Variants in LRRIQ3 observed in about 807,000 individuals in gnomAD.
The protein encoded by LRRIQ3 is leucine-rich repeat and IQ domain-containing protein 3.
In LRRIQ3, 75 loss-of-function variants were observed where a neutral mutation model predicts 59.3. The observed-to-expected ratio is 1.26, with a 90% CI of 1.05 to 1.53. The LOEUF (loss-of-function observed/expected upper bound fraction) is 1.53, where lower values mean the gene tolerates loss of function less well. Among genes scored for constraint, LRRIQ3 ranks in the 40% most tolerant of loss-of-function variants. LRRIQ3 has a pLI of 0.00. For missense variants in LRRIQ3, 831 were observed against 710.0 expected (o/e 1.17, Z -1.94); for synonymous variants, 250 against 231.3 (o/e 1.08, Z -0.73).
chr1:74,178,247 C>A (rs1649764527), intron 3 of LRRIQ3, among the ~76,000 whole-genome samples: 1 of 151,888 alleles, frequency 6.6e-6, no homozygotes, highest in South Asian at 2.1e-4. Context: ...AATACACTTA[C>A]AATTTACTTA....
chr1:74,032,904 A>C (rs1449967051), intron 7 of LRRIQ3, among the ~76,000 whole-genome samples: 1 of 152,028 alleles, frequency 6.6e-6, no homozygotes, highest in East Asian at 1.9e-4. Flanking sequence ...ATGGAAACCT[A>C]ATCATGAGAC....
chr1:74,097,435 T>C (rs1417060261), intron 5 of LRRIQ3, among the ~76,000 whole-genome samples: 3 of 152,110 alleles, frequency 2.0e-5, no homozygotes, highest in Non-Finnish European at 2.9e-5. Context: ...CTCATTGGTG[T>C]ACCTAAAAGT....
chr1:74,175,148 C>T (rs1467251597), intron 3 of LRRIQ3, among the ~76,000 whole-genome samples: 1 of 152,178 alleles, frequency 6.6e-6, no homozygotes, highest in Non-Finnish European at 1.5e-5. Flanking sequence ...CGTCTACTGG[C>T]TCTGAAGTCA....
intron 7 of LRRIQ3, among the ~76,000 whole-genome samples, chr1:74,038,414 C>A (rs1180618119): frequency 6.6e-6 from 1 of 152,198 alleles, no homozygotes; most frequent in African/African-American, 2.4e-5. Context: ...GCAGCCCAGA[C>A]AAGTGGGTTT....
intron 4 of LRRIQ3, among the ~76,000 whole-genome samples, chr1:74,120,519 A>G (rs1423762820): frequency 6.6e-6 from 1 of 152,040 alleles, no homozygotes; most frequent in Non-Finnish European, 1.5e-5. Context: ...AAAAACATCA[A>G]TTTTTATATA....
intron 1 of LRRIQ3, among the ~76,000 whole-genome samples, chr1:74,197,089 T>C (rs1209123180): frequency 6.6e-6 from 1 of 152,222 alleles, no homozygotes; most frequent in Non-Finnish European, 1.5e-5. Flanking sequence ...ATACTGTTTT[T>C]TTAATTAATG....
chr1:74,130,316 T>G (rs992349711), intron 4 of LRRIQ3, among the ~76,000 whole-genome samples: 12 of 152,118 alleles, frequency 7.9e-5, no homozygotes, highest in Non-Finnish European at 1.0e-4. Context: ...TGGCTATGGC[T>G]GATCTCAATG....
At chr1:74,099,212 G>T (rs1435060807) in intron 5 of LRRIQ3, among the ~76,000 whole-genome samples, 1 of 152,100 alleles carries the variant, frequency 6.6e-6, no homozygotes, top group Non-Finnish European at 1.5e-5. Context: ...AATAAAAAAT[G>T]ATAAAGGGGA....
intron 6 of LRRIQ3, among the ~76,000 whole-genome samples, chr1:74,057,866 T>C (rs923155059): frequency 3.3e-5 from 5 of 151,800 alleles, no homozygotes; most frequent in Non-Finnish European, 7.4e-5. Flanking sequence ...GAACTCAAAC[T>C]CAATAGCTAA....
chr1:74,109,553 G>T lies in LRRIQ3; in HGVS notation c.708C>A (p.Ser236Arg). 6.4e-7 allele frequency: 1 copy of T among 1,551,246 alleles called. No individual in the cohort carries two copies. The highest frequency in any genetic ancestry group is 1.3e-5 in the South Asian group (1 of 78,814). Residue 236 changes from serine to arginine, a missense_variant and splice_region_variant, in exon 5 of 8, where the codon AGC becomes AGA. Transcript: ENST00000354431. ...GTTTTTTTTTGTGGAAAAACACAGG[G>T]CTGAATATAAGGGGAGGGGAAAACT... The part of the protein sequence containing the change: ...IRGFLVRKNL[S>R]PVFFHKKKQQ...
At chr1:74,062,384 T>C (rs375591936) in intron 6 of LRRIQ3, among the ~76,000 whole-genome samples, 1 of 152,240 alleles carries the variant, frequency 6.6e-6, no homozygotes, top group African/African-American at 2.4e-5. Context: ...GAATGGCTAT[T>C]ACTAAAAAGT....
chr1:74,128,551 T>C (rs918977142), intron 4 of LRRIQ3, among the ~76,000 whole-genome samples: 1 of 152,260 alleles, frequency 6.6e-6, no homozygotes, highest in Admixed American at 6.5e-5. Flanking sequence ...TTTTAAATCA[T>C]CTGTCTGAAA....
chr1:74,183,710 AT>A (rs768957741), intron 1 of LRRIQ3, 26 bp from the exon 2 acceptor site: 62 of 1,401,322 alleles, frequency 4.4e-5, no homozygotes, highest in Admixed American at 1.9e-4. Context: ...AAGTGCTTTG[AT>A]TTTTTTTTCC....
intron 6 of LRRIQ3, among the ~76,000 whole-genome samples, chr1:74,053,149 G>C (rs997530882): frequency 8.6e-5 from 9 of 104,870 alleles, no homozygotes; most frequent in Non-Finnish European, 1.3e-4. Flanking sequence ...TCAACAAACG[G>C]TAATGAAATA....
chr1:74,046,555 A>G (rs1178235780), intron 6 of LRRIQ3, among the ~76,000 whole-genome samples: 2 of 152,222 alleles, frequency 1.3e-5, no homozygotes, highest in African/African-American at 4.8e-5. Context: ...CTTCATGACT[A>G]AAACACCAAA....
chr1:74,151,592 G>A (rs1164640815), intron 4 of LRRIQ3, among the ~76,000 whole-genome samples: 2 of 151,842 alleles, frequency 1.3e-5, no homozygotes, highest in Non-Finnish European at 2.9e-5. Flanking sequence ...AGCTAAATCC[G>A]GGGTGGGGGG....
chr1:74,154,134 G>T (rs983185252), intron 4 of LRRIQ3, among the ~76,000 whole-genome samples: 3 of 150,906 alleles, frequency 2.0e-5, no homozygotes, highest in African/African-American at 4.9e-5. Context: ...CCAGCTACTG[G>T]GGAGGCTGAG....
At chr1:74,188,927 AT>A (rs1485031961) in intron 1 of LRRIQ3, among the ~76,000 whole-genome samples, 1 of 152,134 alleles carries the variant, frequency 6.6e-6, no homozygotes, top group African/African-American at 2.4e-5. Flanking sequence ...AAAAAGGTTT[AT>A]TTTTCAATTA....
At chr1:74,043,480 G>A (rs1294175881) in intron 6 of LRRIQ3, among the ~76,000 whole-genome samples, 2 of 152,068 alleles carry the variant, frequency 1.3e-5, no homozygotes, top group African/African-American at 4.8e-5. Context: ...CTACAGCAAA[G>A]TAGGAAATCA....
Sources: gnomAD v4.1 joint callset for allele counts (sites outside exome capture counted in the v4.1 genomes callset) on GRCh38, gnomAD v4.1.1 for gene constraint, MANE v1.5 for transcripts, NCBI Gene and HGNC (gene_info 2026-07-23, HGNC 2026-07-21) for gene names.